The following MCF2L2 variants were observed in gnomAD, a reference collection of about 807,000 sequenced individuals.
MCF2L2 encodes MCF.2 cell line derived transforming sequence-like 2, also known as probable guanine nucleotide exchange factor MCF2L2.
MCF2L2 carries 102 observed loss-of-function variants against 150.2 expected under a neutral mutation model. That is an observed-to-expected ratio of 0.68 (90% CI 0.58 to 0.80). The LOEUF is 0.80. MCF2L2 is among the 30% of genes least tolerant of loss of function. The pLI is 0.00. For missense variants in MCF2L2, 1,256 were observed against 1,372.8 expected (o/e 0.91, Z 1.34); for synonymous variants, 465 against 491.3 (o/e 0.95, Z 0.71).
At chr3:183,243,406 T>C (rs1236758191) in intron 15 of MCF2L2, among the ~76,000 whole-genome samples, 2 of 152,204 alleles carry the variant, frequency 1.3e-5, no homozygotes, top group Non-Finnish European at 2.9e-5. Flanking sequence ...AGGCTGTGCA[T>C]GCACCTTTCA....
intron 21 of MCF2L2, among the ~76,000 whole-genome samples, chr3:183,217,714 T>C (rs1337496335): frequency 6.6e-6 from 1 of 152,168 alleles, no homozygotes; most frequent in Admixed American, 6.6e-5. Context: ...ACTCTGTCCT[T>C]CCTTCCTCCA....
intron 14 of MCF2L2, among the ~76,000 whole-genome samples, chr3:183,281,542 A>G (rs1271149375): frequency 6.6e-6 from 1 of 152,124 alleles, no homozygotes; most frequent in African/African-American, 2.4e-5. Context: ...CCACTTAAAT[A>G]TTCCTTTGGA....
intron 3 of MCF2L2, among the ~76,000 whole-genome samples, chr3:183,360,316 C>T (rs761805841): frequency 7.9e-5 from 12 of 152,228 alleles, no homozygotes; most frequent in Non-Finnish European, 1.8e-4. Context: ...CCCTGTAATC[C>T]CAGAACTCTG....
chr3:183,359,718 TCAAA>T (rs1233371333), intron 3 of MCF2L2, among the ~76,000 whole-genome samples: 1 of 152,196 alleles, frequency 6.6e-6, no homozygotes, highest in East Asian at 1.9e-4. Context: ...GTGGAGGTTT[TCAAA>T]CAGAGTTTAG....
rs758815965 is a variant in MCF2L2 at position 183,270,127 on chromosome 3, C to G, written c.1862+6745G>C. The G allele has an allele frequency of 6.2e-7, 1 of 1,613,932 alleles. No homozygotes were observed. Among genetic ancestry groups the G allele is most frequent in the African/African-American group, 1.3e-5 (1 of 74,892 alleles). On this transcript the variant is annotated intron_variant, in intron 15 of 29. Coordinates refer to ENST00000328913, the MANE Select transcript of MCF2L2 (RefSeq NM_015078.4). This position sits in a 1 kb window ranked among gnomAD's most constrained non-coding sequence, Gnocchi z 4.5. ...GATCGACGTTCCGGAATTAGAAGGA[C>G]GTGGGGCAATGAAAATTATGTTCGG...
Position 183,270,321 on chromosome 3 carries a change from C to T in MCF2L2, c.1862+6551G>A. 1 of 1,614,124 alleles carries T rather than the reference C, an allele frequency of 6.2e-7. No homozygotes were observed. Among genetic ancestry groups the T allele is most frequent in the Non-Finnish European group, 8.5e-7 (1 of 1,179,992 alleles). On this transcript the variant is annotated intron_variant, in intron 15 of 29. Transcript: ENST00000328913. The surrounding 1 kb of genome is among the most constrained non-coding windows in gnomAD (Gnocchi z 4.5). ...CAATCTTACTCTGAAATTACTTATG[C>T]AGTTCAGTTGGGCAAATACCTATTG...
chr3:183,370,226 C>T (rs1244592866), intron 3 of MCF2L2, among the ~76,000 whole-genome samples: 5 of 152,168 alleles, frequency 3.3e-5, no homozygotes, highest in Admixed American at 6.5e-5. Context: ...GTGATGGATC[C>T]CCACCCCTCA....
intron 3 of MCF2L2, chr3:183,374,116 A>G (rs870176): frequency 0.32 from 48,627 of 152,584 alleles, 11,790 homozygotes; most frequent in African/African-American, 0.68. Context: ...AATCCATCCT[A>G]CACACCACCA....
chr3:183,185,760 T>C (rs1480394367), intron 27 of MCF2L2, among the ~76,000 whole-genome samples: 1 of 152,162 alleles, frequency 6.6e-6, no homozygotes, highest in Admixed American at 6.5e-5. Context: ...TGGCCCAGAG[T>C]ATAAACGTGG....
chr3:183,326,116 T>C (rs1730013416), intron 5 of MCF2L2, among the ~76,000 whole-genome samples: 1 of 148,180 alleles, frequency 6.7e-6, no homozygotes, highest in South Asian at 2.1e-4. Context: ...TGACAAAGGA[T>C]GGACAAATAG....
In MCF2L2 at chr3:183,181,903, T is replaced by C. The variant is rs755981708; in HGVS notation, c.3017-1744A>G. On this transcript the variant is annotated intron_variant, in intron 27 of 29. Coordinates refer to ENST00000328913, the MANE Select transcript of MCF2L2 (RefSeq NM_015078.4). This position sits in a 1 kb window ranked among gnomAD's most constrained non-coding sequence, Gnocchi z 4.3. ...AGGAACTGAAAAACCTGACAAGCTC[T>C]AGCCCCTCCGCAGGGTAAGTGGTAC... Among the ~76,000 whole-genome samples, 61 of 152,100 alleles carry C rather than the reference T, an allele frequency of 4.0e-4. No individual in the cohort carries two copies. The highest frequency in any genetic ancestry group is 2.2e-3 in the Admixed American group (33 of 15,294).
At chr3:183,403,480 T>C (rs920226715) in intron 1 of MCF2L2, among the ~76,000 whole-genome samples, 1 of 152,154 alleles carries the variant, frequency 6.6e-6, no homozygotes, top group African/African-American at 2.4e-5. Context: ...AACAAAGAGC[T>C]TGGAAAGTAG....
At chr3:183,384,517 G>A (rs947070470) in intron 2 of MCF2L2, among the ~76,000 whole-genome samples, 7 of 152,116 alleles carry the variant, frequency 4.6e-5, no homozygotes, top group African/African-American at 1.4e-4. Context: ...ATCAATAAAT[G>A]GGTTTACCTG....
At chr3:183,272,356 C>T (rs1415440948) in intron 15 of MCF2L2, 1 of 1,000,146 alleles carries the variant, frequency 1.0e-6, no homozygotes, top group Non-Finnish European at 1.2e-6. Flanking sequence ...CACTCTAAGG[C>T]CTTTGACTGC....
chr3:183,291,295 G>A (rs1259658630), intron 13 of MCF2L2, among the ~76,000 whole-genome samples: 1 of 152,098 alleles, frequency 6.6e-6, no homozygotes, highest in African/African-American at 2.4e-5. Context: ...TTCAAACCTT[G>A]CTCTTCCATG....
At chr3:183,233,886 A>G (rs1723679958) in intron 15 of MCF2L2, among the ~76,000 whole-genome samples, 1 of 152,224 alleles carries the variant, frequency 6.6e-6, no homozygotes, top group Non-Finnish European at 1.5e-5. Flanking sequence ...CACATATTTT[A>G]CAGCTCATTA....
intron 25 of MCF2L2, among the ~76,000 whole-genome samples, chr3:183,201,967 T>C (rs1427983515): frequency 6.6e-6 from 1 of 152,218 alleles, no homozygotes; most frequent in Non-Finnish European, 1.5e-5. Flanking sequence ...GGAAAATGGC[T>C]GTGTCTCAGT....
chr3:183,423,632 G>GT (rs34400256), intron 1 of MCF2L2, among the ~76,000 whole-genome samples: 12,884 of 91,584 alleles, frequency 0.14, 1,379 homozygotes, highest in Non-Finnish European at 0.18. Context: ...AATTTTATTT[G>GT]TTTTTTTTTT....
In MCF2L2 at chr3:183,389,731, A is replaced by G. The variant is rs753379446; in HGVS notation, c.125T>C (p.Ile42Thr). The change falls in exon 2 of 30, where the codon ATA becomes ACA. Residue 42 changes from isoleucine (I) to threonine (T), a missense_variant. Transcript: ENST00000328913. ...GGCAAATTGTCTGTGAAGTTGTTCT[A>G]TTATCTCCACCGCCATCAGGGGTCT... The part of the protein sequence containing the change: ...EVRPLMAVEI[I>T]EQLHRQFAIL... 6.2e-7 allele frequency: 1 copy of G among 1,614,190 alleles called. No individual in the cohort carries two copies. Among genetic ancestry groups the G allele is most frequent in the East Asian group, 2.2e-5 (1 of 44,884 alleles).
Sources: allele counts gnomAD v4.1 joint callset (sites outside exome capture counted in the v4.1 genomes callset), GRCh38; gene constraint gnomAD v4.1.1; non-coding constraint Gnocchi (gnomAD v3.1); transcripts MANE v1.5; gene names NCBI Gene and HGNC (gene_info 2026-07-23, HGNC 2026-07-21).